The following FOXP1 variants were observed in gnomAD, a reference collection of about 807,000 sequenced individuals.
FOXP1 encodes the protein forkhead box P1.
A neutral mutation model predicts 98.2 loss-of-function variants in FOXP1; 15 were observed. The ratio of observed to expected loss-of-function variants is 0.15; its 90% confidence interval spans 0.10 to 0.24. The LOEUF (loss-of-function observed/expected upper bound fraction) is 0.24. FOXP1 is among the 10% of genes least tolerant of loss of function. The probability of loss-of-function intolerance (pLI) is 1.00; values close to 1 mark genes in which losing one functional copy is unlikely to be tolerated. For missense variants in FOXP1, 633 were observed against 848.5 expected, an observed-to-expected ratio of 0.75 and a Z score of 3.15; for synonymous variants, 371 against 314.5, an observed-to-expected ratio of 1.18 and a Z score of -1.90.
intron 6 of FOXP1, among the ~76,000 whole-genome samples, chr3:71,171,140 T>C (rs1215810791): frequency 6.6e-6 from 1 of 151,684 alleles, no homozygotes; most frequent in African/African-American, 2.4e-5. Flanking sequence ...GGCTAGGGAA[T>C]TTCTGAGTCT....
At chr3:71,490,748 T>C (rs575006217) in intron 3 of FOXP1, among the ~76,000 whole-genome samples, 11 of 152,348 alleles carry the variant, frequency 7.2e-5, no homozygotes, top group African/African-American at 2.6e-4. Flanking sequence ...CCAAATCCAA[T>C]TGAAATTAAT....
At chr3:71,278,953 A>G (rs533329167) in intron 5 of FOXP1, among the ~76,000 whole-genome samples, 154 of 152,162 alleles carry the variant, frequency 1.0e-3, no homozygotes, top group African/African-American at 3.3e-3. Flanking sequence ...GCACTTTGGG[A>G]GGCCGAGGCG....
chr3:71,332,878 A>G (rs996049440), intron 4 of FOXP1: 3 of 152,358 alleles, frequency 2.0e-5, no homozygotes, highest in African/African-American at 7.2e-5. Flanking sequence ...GCAATGCAGC[A>G]ACGGAAAGAA....
intron 3 of FOXP1, among the ~76,000 whole-genome samples, chr3:71,393,802 A>G (rs1398278681): frequency 6.6e-6 from 1 of 152,228 alleles, no homozygotes; most frequent in Non-Finnish European, 1.5e-5. Context: ...ATGGCTCCTG[A>G]AAACTACTCT....
chr3:71,314,197 C>T (rs1248191893), intron 4 of FOXP1, among the ~76,000 whole-genome samples: 1 of 152,170 alleles, frequency 6.6e-6, no homozygotes, highest in East Asian at 1.9e-4. Context: ...AAATCTAAAA[C>T]ATCCTACACC....
intron 6 of FOXP1, among the ~76,000 whole-genome samples, chr3:71,139,769 G>C (rs1036295057): frequency 6.6e-6 from 1 of 152,148 alleles, no homozygotes; most frequent in Non-Finnish European, 1.5e-5. Context: ...AAGCCAGTCT[G>C]CATTTACTGA....
In FOXP1 at chr3:71,577,690, A is replaced by T. The variant is rs552925161; in HGVS notation, c.-298+3859T>A. On this transcript the variant is annotated intron_variant, in intron 2 of 20. Transcript: ENST00000649528. ...GTAACAAATGACAAGAAAGATCATT[A>T]AAAAAATGCATGGGCCCAAGTGCAA... Among the ~76,000 whole-genome samples the T allele has an allele frequency of 3.9e-5, 6 of 152,262 alleles. 1 individual carries two copies. The highest frequency in any genetic ancestry group is 1.4e-4 in the African/African-American group (6 of 41,538).
intron 9 of FOXP1, among the ~76,000 whole-genome samples, chr3:71,050,449 ATAGAGT>A (rs1380296686): frequency 2.6e-5 from 4 of 152,248 alleles, no homozygotes; most frequent in Non-Finnish European, 5.9e-5. Flanking sequence ...GTCTTCAAAT[ATAGAGT>A]TAAAGATCTT....
At chr3:71,163,010 G>A (rs550938376) in intron 6 of FOXP1, among the ~76,000 whole-genome samples, 1 of 152,300 alleles carries the variant, frequency 6.6e-6, no homozygotes, top group African/African-American at 2.4e-5. Context: ...GCAAGCTGGT[G>A]TTCCATCTAA....
At chr3:71,420,008 G>C (rs1313954183) in intron 3 of FOXP1, among the ~76,000 whole-genome samples, 1 of 151,814 alleles carries the variant, frequency 6.6e-6, no homozygotes, top group African/African-American at 2.4e-5. Flanking sequence ...GTAGAGACGG[G>C]GTTTCACCAT....
intron 2 of FOXP1, among the ~76,000 whole-genome samples, chr3:71,568,870 C>T (rs573809202): frequency 6.6e-6 from 1 of 152,296 alleles, no homozygotes; most frequent in African/African-American, 2.4e-5. Flanking sequence ...TGATCTTGAA[C>T]TCCTGACCTC....
chr3:71,580,131 T>G (rs1264650368), intron 2 of FOXP1, among the ~76,000 whole-genome samples: 6 of 151,260 alleles, frequency 4.0e-5, no homozygotes, highest in African/African-American at 1.5e-4. Flanking sequence ...TAATTTGGGT[T>G]GTCAAGGTTC....
intron 3 of FOXP1, among the ~76,000 whole-genome samples, chr3:71,474,897 G>A (rs745853766): frequency 4.6e-5 from 7 of 152,026 alleles, no homozygotes; most frequent in East Asian, 1.9e-4. Context: ...TGGAAAAACC[G>A]TCTCCCATGA....
At chr3:70,999,623 T>C (rs1312723537) in intron 13 of FOXP1, among the ~76,000 whole-genome samples, 1 of 152,200 alleles carries the variant, frequency 6.6e-6, no homozygotes, top group Non-Finnish European at 1.5e-5. Flanking sequence ...CTAACAAAAA[T>C]AACTTTTGAG....
intron 6 of FOXP1, among the ~76,000 whole-genome samples, chr3:71,150,664 TA>T (rs1022431778): frequency 4.6e-5 from 7 of 151,852 alleles, no homozygotes; most frequent in Admixed American, 2.0e-4. Context: ...TCCCCTTTGT[TA>T]AAAAAAAGCA....
At chr3:71,153,167 T>C (rs191029394) in intron 6 of FOXP1, among the ~76,000 whole-genome samples, 250 of 152,224 alleles carry the variant, frequency 1.6e-3, no homozygotes, top group African/African-American at 5.8e-3. Flanking sequence ...GTGCGGCACT[T>C]GGTGAAGGCG....
intron 14 of FOXP1, among the ~76,000 whole-genome samples, chr3:70,984,851 G>A (rs1277342348): frequency 2.0e-5 from 3 of 152,118 alleles, no homozygotes; most frequent in South Asian, 2.1e-4. Flanking sequence ...CGAGATGAGC[G>A]TATCCTCTAA....
rs142466000 is a variant in FOXP1 at position 70,981,376 on chromosome 3, C to G, written c.1147-3347G>C. Among the ~76,000 whole-genome samples the G allele has an allele frequency of 1.7e-4, 26 of 151,274 alleles. No homozygotes were observed. The East Asian group carries it at 4.8e-3, about 28-fold the overall frequency. The stretch of plus-strand genomic sequence containing the variant: ...GCTTACCAGGCTTGACAAATGACAC[C>G]GTGATTCACACCCACTGCTGGGCTG... On this transcript the variant is annotated intron_variant, in intron 14 of 20. Transcript: ENST00000649528.
chr3:71,231,145 G>T (rs879920406), intron 5 of FOXP1, among the ~76,000 whole-genome samples: 1 of 152,122 alleles, frequency 6.6e-6, no homozygotes, highest in Non-Finnish European at 1.5e-5. Context: ...CTTTCAATGA[G>T]GACAATTTGG....
Sources: allele counts gnomAD v4.1 joint callset (sites outside exome capture counted in the v4.1 genomes callset), GRCh38; gene constraint gnomAD v4.1.1; transcripts MANE v1.5; gene names NCBI Gene and HGNC (gene_info 2026-07-23, HGNC 2026-07-21).